UTRN: variants seen among roughly 807,000 people sequenced by gnomAD.
UTRN encodes utrophin.
Under a neutral mutation model 463.9 loss-of-function variants are expected in UTRN, and 283 were observed. That is an observed-to-expected ratio of 0.61 (90% CI 0.55 to 0.67). The LOEUF (loss-of-function observed/expected upper bound fraction) is 0.67. Ranked by LOEUF, UTRN falls within the 30% of genes least tolerant of loss-of-function variation. The pLI, the probability that UTRN is intolerant of heterozygous loss-of-function variation, is 0.00. For synonymous variants in UTRN, 1,442 were observed against 1,431.5 expected (o/e 1.01, Z -0.17); for missense variants, 3,922 against 4,084.3 (o/e 0.96, Z 1.08).
At chr6:144,500,079 T>C (rs1794039134) in intron 34 of UTRN, among the ~76,000 whole-genome samples, 1 of 152,174 alleles carries the variant, frequency 6.6e-6, no homozygotes, top group African/African-American at 2.4e-5. Flanking sequence ...AACATATGAG[T>C]GCATGTGTCT....
intron 51 of UTRN, among the ~76,000 whole-genome samples, chr6:144,641,400 A>G (rs901087042): frequency 6.6e-6 from 1 of 152,208 alleles, no homozygotes; most frequent in African/African-American, 2.4e-5. Context: ...CTAAAGTTTT[A>G]TCCTGCTGGG....
chr6:144,353,799 A>G (rs932982456), intron 2 of UTRN, among the ~76,000 whole-genome samples: 1 of 152,142 alleles, frequency 6.6e-6, no homozygotes, highest in Non-Finnish European at 1.5e-5. Context: ...ATGAGCTGAG[A>G]TACTGCCATT....
intron 7 of UTRN, among the ~76,000 whole-genome samples, chr6:144,427,977 C>T (rs780152540): frequency 6.6e-6 from 1 of 151,958 alleles, no homozygotes; most frequent in Non-Finnish European, 1.5e-5. Context: ...CACTTGGCAT[C>T]GGAGAGGGCA....
chr6:144,473,646 T>A, intron 23 of UTRN, 74 bp from the exon 24 acceptor site: 1 of 1,107,606 alleles, frequency 9.0e-7, no homozygotes, highest in Non-Finnish European at 1.3e-6. Flanking sequence ...TTTGTTCCAG[T>A]GGCGGTAGAT....
At chr6:144,738,158 C>T (rs991452459) in intron 54 of UTRN, among the ~76,000 whole-genome samples, 1 of 152,220 alleles carries the variant, frequency 6.6e-6, no homozygotes, top group African/African-American at 2.4e-5. Context: ...TTTATCTCCT[C>T]TATCTGTGTT....
intron 19 of UTRN, among the ~76,000 whole-genome samples, chr6:144,454,204 A>G (rs1023682034): frequency 2.0e-5 from 3 of 152,320 alleles, no homozygotes; most frequent in African/African-American, 4.8e-5. Context: ...GCAGGGTGGT[A>G]GCAAAAGAAA....
chr6:144,568,507 G>T (rs145347381), intron 50 of UTRN, among the ~76,000 whole-genome samples: 268 of 152,212 alleles, frequency 1.8e-3, no homozygotes, highest in African/African-American at 6.2e-3. Context: ...GTAGCAGTCA[G>T]AACTGCCAAA....
At chr6:144,734,779 A>G (rs961305586) in intron 54 of UTRN, among the ~76,000 whole-genome samples, 1 of 152,238 alleles carries the variant, frequency 6.6e-6, no homozygotes, top group East Asian at 1.9e-4. Flanking sequence ...GAGATTTCCA[A>G]CACAATAGCT....
intron 35 of UTRN, among the ~76,000 whole-genome samples, chr6:144,511,887 A>AT (rs991655132): frequency 2.6e-5 from 4 of 151,968 alleles, no homozygotes; most frequent in East Asian, 1.9e-4. Context: ...GTCATTTATA[A>AT]TTTTTTTTAA....
chr6:144,593,230 A>G, intron 51 of UTRN, among the ~76,000 whole-genome samples: 1 of 152,238 alleles, frequency 6.6e-6, no homozygotes, highest in East Asian at 1.9e-4. Flanking sequence ...AAAAGAATGA[A>G]GCAATGAAAG....
intron 51 of UTRN, among the ~76,000 whole-genome samples, chr6:144,589,159 G>A (rs1334607127): frequency 6.6e-6 from 1 of 152,214 alleles, no homozygotes; most frequent in Non-Finnish European, 1.5e-5. Flanking sequence ...GGAAGAAGAT[G>A]TTGAACTGTT....
At chr6:144,472,770 AT>A (rs61374314) in intron 23 of UTRN, among the ~76,000 whole-genome samples, 77,688 of 139,456 alleles carry the variant, frequency 0.56, 20,953 homozygotes, top group East Asian at 0.66. Flanking sequence ...ACTTACTTGC[AT>A]TTTTTTTTTT....
chr6:144,757,898 C>G, intron 57 of UTRN, 31 bp from the exon 58 acceptor site: 1 of 1,591,732 alleles, frequency 6.3e-7, no homozygotes, highest in Admixed American at 1.8e-5. Flanking sequence ...TGGTTTCCAA[C>G]GTTTCCAATA....
At chr6:144,733,359 T>C (rs987251851) in intron 54 of UTRN, among the ~76,000 whole-genome samples, 9 of 151,890 alleles carry the variant, frequency 5.9e-5, no homozygotes, top group African/African-American at 2.2e-4. Flanking sequence ...TCTACTAAAA[T>C]ACAAAAAATT....
At chr6:144,620,254 C>G (rs1775211364) in intron 51 of UTRN, among the ~76,000 whole-genome samples, 2 of 152,258 alleles carry the variant, frequency 1.3e-5, no homozygotes, top group South Asian at 4.1e-4. Flanking sequence ...TGCTGCTAAA[C>G]TCTCCATTTG....
chr6:144,391,774 TG>T (rs1378936155), intron 2 of UTRN, among the ~76,000 whole-genome samples: 1 of 152,186 alleles, frequency 6.6e-6, no homozygotes, highest in Non-Finnish European at 1.5e-5. Flanking sequence ...CCCCAGTAGC[TG>T]GGACTATAGG....
At chr6:144,645,558 C>G (rs1778209952) in intron 51 of UTRN, among the ~76,000 whole-genome samples, 1 of 152,102 alleles carries the variant, frequency 6.6e-6, no homozygotes, top group Admixed American at 6.6e-5. Context: ...GGCAAACATA[C>G]AGGTGATGTT....
intron 58 of UTRN, among the ~76,000 whole-genome samples, chr6:144,770,839 G>T (rs755843104): frequency 3.3e-5 from 5 of 152,162 alleles, no homozygotes; most frequent in African/African-American, 4.8e-5. Context: ...AGTCTAAGTG[G>T]CAAGAGACAC....
chr6:144,360,751 C>T (rs1779013472), intron 2 of UTRN, among the ~76,000 whole-genome samples: 1 of 152,228 alleles, frequency 6.6e-6, no homozygotes. Context: ...GAACATTTTA[C>T]ACTGCATCTC....
Sources: allele counts gnomAD v4.1 joint callset (sites outside exome capture counted in the v4.1 genomes callset), GRCh38; gene constraint gnomAD v4.1.1; transcripts MANE v1.5; gene names NCBI Gene and HGNC (gene_info 2026-07-23, HGNC 2026-07-21).